DBX2: variants seen among roughly 807,000 people sequenced by gnomAD.
The protein encoded by DBX2 is developing brain homeobox 2, also known as homeobox protein DBX2.
DBX2 carries 16 observed loss-of-function variants against 17.7 expected under a neutral mutation model. That is an observed-to-expected ratio of 0.90 (90% CI 0.61 to 1.37). DBX2 has a LOEUF of 1.37. Among genes scored for constraint, DBX2 ranks in the 40% most tolerant of loss-of-function variants. The probability of loss-of-function intolerance (pLI) is 0.00; values close to 1 mark genes in which losing one functional copy is unlikely to be tolerated. For missense variants in DBX2, 538 were observed against 433.8 expected, an observed-to-expected ratio of 1.24 and a Z score of -2.13; for synonymous variants, 255 against 183.8, an observed-to-expected ratio of 1.39 and a Z score of -3.13.
chr12:45,050,211 G>T lies in DBX2; in HGVS notation c.403+314C>A, dbSNP rs571825051. ...AACCCCTTGAGACTGATCCAGGCAG[G>T]CCGTAGAACCCTCAGAGTTTCCCAG... On this transcript the variant is annotated intron_variant, in intron 1 of 3. Transcript: ENST00000332700. Among the ~76,000 whole-genome samples, 275 of 152,314 alleles carry T rather than the reference G, an allele frequency of 1.8e-3. 1 individual carries two copies. The highest frequency in any genetic ancestry group is 6.2e-3 in the African/African-American group (258 of 41,572).
At chr12:45,027,685 A>G (rs1946388606) in intron 2 of DBX2, among the ~76,000 whole-genome samples, 2 of 152,336 alleles carry the variant, frequency 1.3e-5, no homozygotes, top group East Asian at 1.9e-4. Flanking sequence ...TTGAAAAGAC[A>G]AAAACAAACA....
chr12:45,024,393 G>A (rs1368404624), intron 2 of DBX2, among the ~76,000 whole-genome samples: 1 of 152,172 alleles, frequency 6.6e-6, no homozygotes, highest in Non-Finnish European at 1.5e-5. Context: ...CATGAGAACA[G>A]ACTAATACAG....
At chr12:45,033,516 C>T (rs1347313952) in intron 2 of DBX2, among the ~76,000 whole-genome samples, 3 of 152,030 alleles carry the variant, frequency 2.0e-5, no homozygotes, top group African/African-American at 7.2e-5. Context: ...GATTATTGTA[C>T]AGATGTAAAC....
In DBX2 at chr12:45,036,040, C is replaced by T; in HGVS notation, c.478G>A (p.Ala160Thr). Residue 160 changes from alanine to threonine, a missense_variant, in exon 2 of 4, where the codon GCA becomes ACA. Transcript: ENST00000332700. ...TTACTTGGAAAAGCAGTGGAGGATG[C>T]AGGGCGCCGACAGGACCCACCGCAG... ...ACCGGSCRRP[A>T]SSTAFPREES... 1 of 1,613,274 alleles carries T rather than the reference C, an allele frequency of 6.2e-7. No individual in the cohort carries two copies. Among genetic ancestry groups the T allele is most frequent in the Non-Finnish European group, 8.5e-7 (1 of 1,179,726 alleles).
intron 3 of DBX2, among the ~76,000 whole-genome samples, chr12:45,022,660 C>T (rs986268385): frequency 6.6e-6 from 1 of 152,138 alleles, no homozygotes; most frequent in Non-Finnish European, 1.5e-5. Context: ...TAGTGAGGAA[C>T]AACAGTAGAG....
At chr12:45,025,524 G>A (rs893067942) in intron 2 of DBX2, among the ~76,000 whole-genome samples, 11 of 151,728 alleles carry the variant, frequency 7.2e-5, no homozygotes, top group African/African-American at 2.4e-4. Context: ...CTAATACACT[G>A]GGTATCAGGC....
Position 45,050,824 on chromosome 12 carries a change from C to T in DBX2, c.104G>A (p.Gly35Asp). ...CAAATTCTCGATCAGGAAACTCTTG[C>T]CCAGGTTGCCAAAGCCGGGCGCAGC... is the stretch of plus-strand genomic sequence containing the variant. ...LPAAPGFGNL[G>D]KSFLIENLLR... The change falls in exon 1 of 4, where the codon GGC (glycine) becomes GAC (aspartate). Residue 35 changes from glycine to aspartate, a missense_variant. By Grantham distance (94) the Gly-to-Asp change is moderately conservative (BLOSUM62 -1). Transcript: ENST00000332700. The T allele has an allele frequency of 1.9e-6, 3 of 1,539,268 alleles. No individual in the cohort carries two copies. The highest frequency in any genetic ancestry group is 2.6e-6 in the Non-Finnish European group (3 of 1,145,480).
chr12:45,050,980 CG>C lies in DBX2; in HGVS notation c.-54del. 1 of 1,349,708 alleles carries C rather than the reference CG, an allele frequency of 7.4e-7. No homozygotes were observed. The highest frequency in any genetic ancestry group is 3.2e-5 in the East Asian group (1 of 31,716). The allele number at this position is 1,349,708 out of a possible 1,614,324, so 83.6% of individuals were successfully genotyped here. A position where few individuals can be genotyped will look rare whatever the true frequency, so the allele number is the denominator to read the frequency against. Reference sequence around the variant, plus strand: ...GCCCGCCTTGCGCCCGCCTGTCGCCCGGGCGCCCCGCACCGCACCCAGAGCC... The same window carrying C: ...GCCCGCCTTGCGCCCGCCTGTCGCCCGGCGCCCCGCACCGCACCCAGAGCC... On this transcript the variant is annotated 5_prime_UTR_variant, in exon 1 of 4. Transcript: ENST00000332700.
At chr12:45,035,950 G>A (rs1450421731) in intron 2 of DBX2, 69 bp downstream of exon 2, 4 of 1,432,140 alleles carry the variant, frequency 2.8e-6, no homozygotes, top group Non-Finnish European at 3.8e-6. Context: ...GTTTTCCAGA[G>A]CACATTAAAT....
chr12:45,020,752 T>C (rs1410480095), intron 3 of DBX2, among the ~76,000 whole-genome samples: 1 of 151,678 alleles, frequency 6.6e-6, no homozygotes, highest in African/African-American at 2.4e-5. Context: ...TAAAAGTAGC[T>C]ACTTCATAAA....
chr12:45,043,304 G>A (rs756928806), intron 1 of DBX2, among the ~76,000 whole-genome samples: 1 of 152,180 alleles, frequency 6.6e-6, no homozygotes, highest in East Asian at 1.9e-4. Flanking sequence ...ATGACACTCT[G>A]AAACTTCTGC....
At position 45,036,055 on chromosome 12, in the gene DBX2, A is replaced by G. The variant is rs1254947227; in HGVS notation, c.463T>C (p.Ser155Pro). The change falls in exon 2 of 4, where the codon TCC becomes CCC. Residue 155 changes from serine (S) to proline (P), a missense_variant. Ser to Pro is a moderately conservative substitution (Grantham distance 74). Coordinates refer to ENST00000332700, the MANE Select transcript of DBX2 (RefSeq NM_001004329.3). ...GTGGAGGATGCAGGGCGCCGACAGGACCCACCGCAGCACGCCGAGTAGAAT... is the reference window on the plus strand; with the variant it reads ...GTGGAGGATGCAGGGCGCCGACAGGGCCCACCGCAGCACGCCGAGTAGAAT... Reference protein sequence around the residue: ...PPFYSACCGGSCRRPASSTAF... With the variant: ...PPFYSACCGGPCRRPASSTAF... 1.9e-6 allele frequency: 3 copies of G among 1,613,678 alleles called. No homozygotes were observed. In the Admixed American group the frequency reaches 5.0e-5, roughly 27 times the overall value.
chr12:45,041,039 C>CT (rs1478966401), intron 1 of DBX2, among the ~76,000 whole-genome samples: 8 of 143,738 alleles, frequency 5.6e-5, no homozygotes, highest in African/African-American at 2.1e-4. Context: ...AAGGCAACCA[C>CT]TGGGGGGAAG....
At chr12:45,022,007 T>C (rs1050732625) in intron 3 of DBX2, among the ~76,000 whole-genome samples, 3 of 152,166 alleles carry the variant, frequency 2.0e-5, no homozygotes, top group Non-Finnish European at 2.9e-5. Flanking sequence ...CAACAGACCA[T>C]CAAGATCTGG....
chr12:45,029,739 C>A (rs983849580), intron 2 of DBX2, among the ~76,000 whole-genome samples: 2 of 151,514 alleles, frequency 1.3e-5, no homozygotes, highest in African/African-American at 4.8e-5. Flanking sequence ...GGTGCGTGCC[C>A]GTAATCCCAG....
intron 2 of DBX2, among the ~76,000 whole-genome samples, chr12:45,028,737 C>T (rs1233793794): frequency 6.6e-6 from 1 of 152,172 alleles, no homozygotes; most frequent in East Asian, 1.9e-4. Context: ...GGGCCTGGTC[C>T]TCAAGTTTCA....
At chr12:45,046,466 G>T (rs1372433282) in intron 1 of DBX2, among the ~76,000 whole-genome samples, 1 of 152,064 alleles carries the variant, frequency 6.6e-6, no homozygotes, top group South Asian at 2.1e-4. Context: ...AAAATTCTAT[G>T]ATTTTAATTT....
intron 2 of DBX2, among the ~76,000 whole-genome samples, chr12:45,026,817 T>A (rs1592752738): frequency 6.6e-6 from 1 of 152,332 alleles, no homozygotes; most frequent in South Asian, 2.1e-4. Context: ...TGAGATGTCA[T>A]CAAGCCCAAT....
chr12:45,043,143 T>TG (rs1946480880), intron 1 of DBX2, among the ~76,000 whole-genome samples: 1 of 152,210 alleles, frequency 6.6e-6, no homozygotes, highest in Non-Finnish European at 1.5e-5. Flanking sequence ...GAAGTGTATC[T>TG]GATATTGGTT....
Sources: gnomAD v4.1 joint callset for allele counts (sites outside exome capture counted in the v4.1 genomes callset) on GRCh38, gnomAD v4.1.1 for gene constraint, MANE v1.5 for transcripts, NCBI Gene and HGNC (gene_info 2026-07-23, HGNC 2026-07-21) for gene names.